Variants in COPB2 observed in about 807,000 individuals in gnomAD.
The protein encoded by COPB2 is coatomer subunit beta'.
A neutral mutation model predicts 120.8 loss-of-function variants in COPB2; 16 were observed. The observed-to-expected ratio is 0.13, with a 90% CI of 0.09 to 0.20. The LOEUF (loss-of-function observed/expected upper bound fraction) is 0.20, where lower values mean the gene tolerates loss of function less well. Among genes scored for constraint, COPB2 ranks in the 10% least tolerant of loss-of-function variants. The pLI is 1.00. For synonymous variants in COPB2, 332 were observed against 366.3 expected (o/e 0.91, Z 1.07); for missense variants, 794 against 1,076.5 (o/e 0.74, Z 3.67).
intron 5 of COPB2, 89 bp from the exon 6 acceptor site, chr3:139,375,703 T>C: frequency 7.0e-7 from 1 of 1,424,210 alleles, no homozygotes; most frequent in East Asian, 2.5e-5. Context: ...TTATGTAAAA[T>C]GCCAAAGCCC....
chr3:139,358,560 T>TA (rs1206423787), intron 20 of COPB2, 184 bp downstream of exon 20: 1 of 609,470 alleles, frequency 1.6e-6, no homozygotes, highest in Non-Finnish European at 2.9e-6. Flanking sequence ...CGCCTGTAAT[T>TA]ACCCCAGCTA....
chr3:139,364,072 C>G (rs1277462157), intron 15 of COPB2, among the ~76,000 whole-genome samples: 1 of 151,630 alleles, frequency 6.6e-6, no homozygotes, highest in Non-Finnish European at 1.5e-5. Context: ...AAGCTCCCAA[C>G]GACACACAGA....
chr3:139,378,858 A>G (rs1941761081), intron 4 of COPB2, among the ~76,000 whole-genome samples, 189 bp downstream of exon 4: 1 of 152,214 alleles, frequency 6.6e-6, no homozygotes, highest in Non-Finnish European at 1.5e-5. Flanking sequence ...ACAAATCCTA[A>G]GTACAGTTGA....
chr3:139,369,667 A>G, intron 10 of COPB2, 123 bp from the exon 11 acceptor site: 1 of 657,324 alleles, frequency 1.5e-6, no homozygotes, highest in Non-Finnish European at 2.6e-6. Context: ...AAATATTTGA[A>G]GATTATCTGA....
At chr3:139,372,077 G>C (rs1941633760) in intron 9 of COPB2, among the ~76,000 whole-genome samples, 1 of 152,136 alleles carries the variant, frequency 6.6e-6, no homozygotes, top group Non-Finnish European at 1.5e-5. Flanking sequence ...TTATTGGAAT[G>C]GTCTTCTCAT....
intron 10 of COPB2, among the ~76,000 whole-genome samples, chr3:139,370,860 T>C (rs996735444): frequency 1.1e-4 from 16 of 152,340 alleles, no homozygotes; most frequent in East Asian, 1.9e-4. Flanking sequence ...TTTGAATACA[T>C]AGAACTGTAT....
In COPB2 at chr3:139,375,547, A is replaced by G. The variant is rs562384651; in HGVS notation, c.572T>C (p.Ile191Thr). 1.2e-6 allele frequency: 2 copies of G among 1,614,162 alleles called. No individual in the cohort carries two copies. The highest frequency in any genetic ancestry group is 1.3e-5 in the African/African-American group (1 of 75,070). ...LEGHEKGVNC[I>T]DYYSGGDKPY... ...CTTGTCCCCACCACTGTAGTAATCA[A>G]TGCAATTCACGCCTTTCTCATGTCC... Residue 191 changes from isoleucine (I) to threonine (T), a missense_variant, in exon 6 of 22, where the codon ATT becomes ACT. This residue lies in a region of COPB2 where 610 missense variants were observed against 866.7 expected (regional missense o/e 0.70). Transcript: ENST00000333188.
chr3:139,389,329 C>T (rs1942004232), intron 1 of COPB2: 2 of 616,074 alleles, frequency 3.2e-6, no homozygotes, highest in South Asian at 6.7e-5. Flanking sequence ...GGAGACAAAA[C>T]CCCTCACTAG....
chr3:139,374,198 G>A (rs1015619274), intron 7 of COPB2: 6 of 428,028 alleles, frequency 1.4e-5, no homozygotes, highest in African/African-American at 1.2e-4. Flanking sequence ...TTGAACCCAG[G>A]TTTGTTTGAC....
chr3:139,373,401 C>G lies in COPB2; in HGVS notation c.906G>C (p.Glu302Asp). The G allele has an allele frequency of 6.2e-7, 1 of 1,614,100 alleles. No homozygotes were observed. The highest frequency in any genetic ancestry group is 8.5e-7 in the Non-Finnish European group (1 of 1,180,022). ...EGSIIVKLGR[E>D]EPAMSMDANG... ...TGGCATCCATGGACATGGCAGGTTC[C>G]TCCCGACCAAGCTGAAAGAAAGAAA... The change falls in exon 9 of 22, where the codon GAG (glutamate) becomes GAC (aspartate). Residue 302 changes from glutamate (E) to aspartate (D), a missense_variant. Coordinates refer to ENST00000333188, the MANE Select transcript of COPB2 (RefSeq NM_004766.3).
intron 1 of COPB2, chr3:139,385,014 T>C (rs1252192153): frequency 6.6e-6 from 1 of 152,264 alleles, no homozygotes; most frequent in African/African-American, 2.4e-5. Flanking sequence ...TTTTTTTCTT[T>C]TTGAGACGAA....
At chr3:139,367,179 CCAA>C (rs747062766) in intron 13 of COPB2, 34 bp from the exon 14 acceptor site, 1 of 1,604,124 alleles carries the variant, frequency 6.2e-7, no homozygotes, top group South Asian at 1.1e-5. Flanking sequence ...ATTACTTTAT[CCAA>C]CATCAGAAAT....
chr3:139,360,472 C>G (rs536729313), intron 17 of COPB2, among the ~76,000 whole-genome samples: 2 of 135,820 alleles, frequency 1.5e-5, no homozygotes, highest in South Asian at 4.8e-4. Flanking sequence ...TAGCCGAGAT[C>G]ATGCCACTGC....
chr3:139,382,994 C>T (rs1023702525), intron 2 of COPB2: 8 of 322,616 alleles, frequency 2.5e-5, no homozygotes, highest in East Asian at 7.2e-5. Flanking sequence ...GGAAAACTAA[C>T]GATTAAATAC....
At chr3:139,370,621 A>G (rs1239808902) in intron 10 of COPB2, among the ~76,000 whole-genome samples, 1 of 152,170 alleles carries the variant, frequency 6.6e-6, no homozygotes, top group African/African-American at 2.4e-5. Flanking sequence ...ATCAGCAACA[A>G]CTGCTTATAT....
intron 6 of COPB2, among the ~76,000 whole-genome samples, chr3:139,374,934 G>A (rs112368424): frequency 2.6e-5 from 4 of 152,272 alleles, no homozygotes; most frequent in African/African-American, 9.6e-5. Flanking sequence ...TGCTGCTTTA[G>A]CCTTTAATAT....
chr3:139,379,243 G>C lies in COPB2; in HGVS notation c.229-70C>G, dbSNP rs980618971. 2.0e-5 allele frequency: 31 copies of C among 1,549,504 alleles called. 1 individual carries two copies. In the Admixed American group the frequency reaches 3.3e-4, roughly 16 times the overall value. The stretch of plus-strand genomic sequence containing the variant: ...ATTATACAAAAAAACTATATCACAG[G>C]CTCAAGGAATAAAGTCTATGCCTCA... On this transcript the variant is annotated intron_variant, in intron 3 of 21. Transcript: ENST00000333188.
chr3:139,371,502 G>T (rs1350392697), intron 10 of COPB2, among the ~76,000 whole-genome samples: 1 of 152,210 alleles, frequency 6.6e-6, no homozygotes, highest in Non-Finnish European at 1.5e-5. Flanking sequence ...TGGAATTATT[G>T]TATCAGCTTG....
chr3:139,374,405 C>A, intron 7 of COPB2, 84 bp downstream of exon 7: 1 of 1,120,702 alleles, frequency 8.9e-7, no homozygotes. Flanking sequence ...TGGAAACCTA[C>A]AATTATAATG....
Sources: gnomAD v4.1 joint callset for allele counts (sites outside exome capture counted in the v4.1 genomes callset) on GRCh38, gnomAD v4.1.1 for gene constraint, gnomAD v4.1.1 regional missense constraint, MANE v1.5 for transcripts, NCBI Gene and HGNC (gene_info 2026-07-23, HGNC 2026-07-21) for gene names.